The following VKORC1L1 variants were observed in gnomAD, a reference collection of about 807,000 sequenced individuals.
VKORC1L1 encodes the protein vitamin K epoxide reductase complex subunit 1L1, also known as vitamin K epoxide reductase complex subunit 1-like protein 1.
In VKORC1L1, 2 loss-of-function variants were observed where a neutral mutation model predicts 18.9. The ratio of observed to expected loss-of-function variants is 0.11; its 90% CI spans 0.04 to 0.33. The LOEUF (loss-of-function observed/expected upper bound fraction) is 0.33, where lower values mean the gene tolerates loss of function less well. VKORC1L1 is among the 10% of genes least tolerant of loss of function. VKORC1L1 has a pLI of 1.00. For synonymous variants in VKORC1L1, 96 were observed against 100.0 expected (o/e 0.96, Z 0.24); for missense variants, 123 against 224.1 (o/e 0.55, Z 2.88).
chr7:65,873,692 G>A, intron 1 of VKORC1L1, 127 bp downstream of exon 1: 13 of 973,152 alleles, frequency 1.3e-5, no homozygotes, highest in Non-Finnish European at 1.7e-5. Context: ...GGAACTGACG[G>A]GGTCGGGTCG....
At chr7:65,943,565 T>G (rs1014410787) in intron 1 of VKORC1L1, among the ~76,000 whole-genome samples, 4 of 152,076 alleles carry the variant, frequency 2.6e-5, no homozygotes, top group Admixed American at 6.6e-5. Context: ...CCAAGGTCCA[T>G]TCTTCCTTTT....
At chr7:65,929,419 A>G (rs1465291974) in intron 1 of VKORC1L1, among the ~76,000 whole-genome samples, 1 of 152,038 alleles carries the variant, frequency 6.6e-6, no homozygotes, top group Non-Finnish European at 1.5e-5. Flanking sequence ...CAAAAAATAA[A>G]ATAAAAATCA....
In VKORC1L1 at chr7:65,873,300, T is replaced by G; in HGVS notation, c.-72T>G. The G allele has an allele frequency of 9.3e-7, 1 of 1,077,944 alleles. No homozygotes were observed. 66.8% of individuals were successfully genotyped at this position (1,077,944 alleles called of 1,614,324 possible). Reference sequence around the variant, plus strand: ...AGGCGGCGGTGGCGGCGGTGGCGGCTGGGTCGGGCCCCGACGGGCGGCGGC... The same window carrying G: ...AGGCGGCGGTGGCGGCGGTGGCGGCGGGGTCGGGCCCCGACGGGCGGCGGC... On this transcript the variant is annotated 5_prime_UTR_variant, in exon 1 of 3. Transcript: ENST00000360768.
Position 65,897,316 on chromosome 7 carries a change from A to G in VKORC1L1, c.194+23751A>G, listed in dbSNP as rs1789230863. On this transcript the variant is annotated intron_variant, in intron 1 of 2. Transcript: ENST00000360768. ...AGCATTTTAAAAATACCCGATTAACATGATTAAGAAGTTTGATTAGCTATT... is the reference window on the plus strand; with the variant it reads ...AGCATTTTAAAAATACCCGATTAACGTGATTAAGAAGTTTGATTAGCTATT... Among the ~76,000 whole-genome samples the G allele has an allele frequency of 2.0e-5, 3 of 152,234 alleles. No individual in the cohort carries two copies. In the South Asian group the frequency reaches 6.2e-4, roughly 31 times the overall value.
At position 65,925,176 on chromosome 7, in the gene VKORC1L1, G is replaced by T. The variant is rs193168936; in HGVS notation, c.195-23495G>T. ...ATGGAGTTATCTGTGTGACTTGGAG[G>T]TATGTGAAAAGTCAACATGTCAAAA... On this transcript the variant is annotated intron_variant, in intron 1 of 2. Coordinates refer to ENST00000360768, the MANE Select transcript of VKORC1L1 (RefSeq NM_173517.6). 6.6e-5 allele frequency among the ~76,000 whole-genome samples: 10 copies of T among 152,254 alleles called. No individual in the cohort carries two copies. The East Asian group carries it at 1.9e-3, about 29-fold the overall frequency.
chr7:65,928,159 G>A (rs894274936), intron 1 of VKORC1L1, among the ~76,000 whole-genome samples: 2 of 150,988 alleles, frequency 1.3e-5, no homozygotes, highest in African/African-American at 4.9e-5. Flanking sequence ...TCACTATTTG[G>A]TTTATAGTTT....
rs571171143 is a variant in VKORC1L1 at position 65,927,762 on chromosome 7, A to G, written c.195-20909A>G. The stretch of plus-strand genomic sequence containing the variant: ...TGCATTTTATTGTAGCCCACCATGC[A>G]TTGCAACAGTCTCAGCACTCTCCAA... On this transcript the variant is annotated intron_variant, in intron 1 of 2. Coordinates refer to ENST00000360768, the MANE Select transcript of VKORC1L1 (RefSeq NM_173517.6). Among the ~76,000 whole-genome samples the G allele has an allele frequency of 1.9e-3, 289 of 152,312 alleles. 2 individuals are homozygous for G. The highest frequency in any genetic ancestry group is 3.7e-3 in the Non-Finnish European group (254 of 68,034).
At chr7:65,903,686 T>G (rs1028928992) in intron 1 of VKORC1L1, among the ~76,000 whole-genome samples, 1 of 151,160 alleles carries the variant, frequency 6.6e-6, no homozygotes, top group African/African-American at 2.4e-5. Context: ...GTTAGAGGAT[T>G]GCTTGAGCCT....
intron 1 of VKORC1L1, among the ~76,000 whole-genome samples, chr7:65,877,325 G>A (rs1583818908): frequency 1.3e-5 from 2 of 151,824 alleles, no homozygotes; most frequent in Admixed American, 1.3e-4. Flanking sequence ...TTGAAGTTGT[G>A]CAAGAGAAAC....
At chr7:65,906,757 C>A (rs1403160558) in intron 1 of VKORC1L1, among the ~76,000 whole-genome samples, 1 of 152,120 alleles carries the variant, frequency 6.6e-6, no homozygotes, top group Non-Finnish European at 1.5e-5. Context: ...GGGAAGAGAT[C>A]CATAATTCAT....
intron 1 of VKORC1L1, among the ~76,000 whole-genome samples, chr7:65,924,873 C>G (rs962551044): frequency 6.6e-6 from 1 of 152,128 alleles, no homozygotes; most frequent in Non-Finnish European, 1.5e-5. Flanking sequence ...ATATTGTGTT[C>G]TTCCTTAGAT....
At chr7:65,894,800 C>T (rs1420156922) in intron 1 of VKORC1L1, among the ~76,000 whole-genome samples, 1 of 152,144 alleles carries the variant, frequency 6.6e-6, no homozygotes, top group African/African-American at 2.4e-5. Flanking sequence ...AATCCCAGCA[C>T]TTTGGGAGGG....
intron 1 of VKORC1L1, among the ~76,000 whole-genome samples, chr7:65,919,125 C>T (rs1267596986): frequency 6.6e-6 from 1 of 152,122 alleles, no homozygotes; most frequent in Non-Finnish European, 1.5e-5. Context: ...TAAACTAAAA[C>T]AACAGCATAG....
At chr7:65,872,861 T>A (rs1237513219), upstream of VKORC1L1, among the ~76,000 whole-genome samples, 1 of 150,990 alleles carries the variant, frequency 6.6e-6, no homozygotes, top group East Asian at 2.0e-4. Context: ...GGGCCGAGGG[T>A]TCGCCCAGTC....
chr7:65,910,945 G>A (rs1270734730), intron 1 of VKORC1L1, among the ~76,000 whole-genome samples: 1 of 152,100 alleles, frequency 6.6e-6, no homozygotes, highest in East Asian at 1.9e-4. Context: ...CTGTACATTT[G>A]GTTTATAAAT....
At chr7:65,918,786 G>A (rs1390825641) in intron 1 of VKORC1L1, among the ~76,000 whole-genome samples, 1 of 152,164 alleles carries the variant, frequency 6.6e-6, no homozygotes, top group Non-Finnish European at 1.5e-5. Context: ...GAAGGCAAAG[G>A]AAGATTCTTT....
chr7:65,919,887 C>G (rs1220928690), intron 1 of VKORC1L1, among the ~76,000 whole-genome samples: 2 of 152,180 alleles, frequency 1.3e-5, no homozygotes, highest in African/African-American at 4.8e-5. Flanking sequence ...GAAACTCTGT[C>G]TCTACTAAAA....
chr7:65,894,258 A>AT (rs889681734), intron 1 of VKORC1L1, among the ~76,000 whole-genome samples: 49 of 146,608 alleles, frequency 3.3e-4, no homozygotes, highest in South Asian at 1.1e-3. Context: ...CCCAGCCAAA[A>AT]TTTTTTTTTT....
intron 1 of VKORC1L1, among the ~76,000 whole-genome samples, chr7:65,937,689 C>T (rs536977628): frequency 2.0e-5 from 3 of 152,238 alleles, no homozygotes; most frequent in Admixed American, 6.5e-5. Flanking sequence ...GCTGGCATTA[C>T]AGGCGTGAGG....
Sources: gnomAD v4.1 joint callset for allele counts (sites outside exome capture counted in the v4.1 genomes callset) on GRCh38, gnomAD v4.1.1 for gene constraint, MANE v1.5 for transcripts, NCBI Gene and HGNC (gene_info 2026-07-23, HGNC 2026-07-21) for gene names.